Variants in NIPSNAP2 observed in about 807,000 individuals in gnomAD.
The protein encoded by NIPSNAP2 is protein NipSnap homolog 2.
Under a neutral mutation model 48.4 loss-of-function variants are expected in NIPSNAP2, and 42 were observed. The ratio of observed to expected loss-of-function variants is 0.87; its 90% confidence interval spans 0.68 to 1.12. NIPSNAP2 has a LOEUF of 1.12. Ranked by LOEUF, NIPSNAP2 falls within the 50% of genes most tolerant of loss-of-function variation. The pLI is 0.00. For synonymous variants in NIPSNAP2, 158 were observed against 126.6 expected (o/e 1.25, Z -1.67); for missense variants, 314 against 347.3 (o/e 0.90, Z 0.76).
At chr7:55,990,988 G>A (rs575578545) in intron 7 of NIPSNAP2, among the ~76,000 whole-genome samples, 4 of 151,780 alleles carry the variant, frequency 2.6e-5, no homozygotes, top group South Asian at 2.1e-4. Flanking sequence ...ACAGAGTTTC[G>A]CCATGTTGGC....
chr7:55,980,111 AC>A (rs1294676705), intron 3 of NIPSNAP2: 1 of 212,160 alleles, frequency 4.7e-6, no homozygotes, highest in Non-Finnish European at 9.9e-6. Flanking sequence ...TGTTGGACAT[AC>A]ATTTCCCTAG....
At chr7:55,980,230 T>A (rs1787185862) in intron 3 of NIPSNAP2, 7 of 177,556 alleles carry the variant, frequency 3.9e-5, no homozygotes. Context: ...ATTTAAAAAG[T>A]AAATGCTACT....
In NIPSNAP2 at chr7:55,997,462, C is replaced by G; in HGVS notation, c.796+13C>G. ...GTATATTACACAGGTAATCTCTTAACAGCCATGAAATATGCTTTTTGTCTT... is the reference window on the plus strand; with the variant it reads ...GTATATTACACAGGTAATCTCTTAAGAGCCATGAAATATGCTTTTTGTCTT... On this transcript the variant is annotated intron_variant, in intron 9 of 9. Transcript: ENST00000322090. 8.2e-6 allele frequency: 13 copies of G among 1,587,268 alleles called. No homozygotes were observed. Among genetic ancestry groups the G allele is most frequent in the Non-Finnish European group, 1.1e-5 (13 of 1,155,664 alleles).
intron 7 of NIPSNAP2, among the ~76,000 whole-genome samples, chr7:55,986,769 A>C (rs1163067430): frequency 1.3e-5 from 2 of 152,146 alleles, no homozygotes; most frequent in African/African-American, 4.8e-5. Context: ...TCTGATAAGC[A>C]AATTGAATTC....
chr7:55,975,321 C>G (rs1358223180), intron 1 of NIPSNAP2, among the ~76,000 whole-genome samples: 1 of 152,078 alleles, frequency 6.6e-6, no homozygotes, highest in Non-Finnish European at 1.5e-5. Context: ...CCAGTGCACT[C>G]CAGCCTGGGC....
rs374505411 is a variant in NIPSNAP2 at position 55,982,289 on chromosome 7, A to T, written c.444+9A>T. The T allele has an allele frequency of 7.2e-6, 11 of 1,535,138 alleles. No individual in the cohort carries two copies. The highest frequency in any genetic ancestry group is 9.9e-6 in the Non-Finnish European group (11 of 1,110,580). On this transcript the variant is annotated intron_variant, in intron 5 of 9. Transcript: ENST00000322090. ...AACTCAGAGAAAATAAGGTAATGATATTGAAAAATGTTTACTTAGACTAAT... is the reference window on the plus strand; with the variant it reads ...AACTCAGAGAAAATAAGGTAATGATTTTGAAAAATGTTTACTTAGACTAAT...
At chr7:55,983,941 C>A in intron 6 of NIPSNAP2, 73 bp downstream of exon 6, 2 of 1,391,312 alleles carry the variant, frequency 1.4e-6, no homozygotes, top group Non-Finnish European at 2.0e-6. Context: ...AGGCTGACAA[C>A]AGAACTTGTG....
chr7:55,981,478 A>C lies in NIPSNAP2; in HGVS notation c.284A>C (p.Glu95Ala). 1 of 1,612,974 alleles carries C rather than the reference A, an allele frequency of 6.2e-7. No individual in the cohort carries two copies. Among genetic ancestry groups the C allele is most frequent in the Non-Finnish European group, 8.5e-7 (1 of 1,179,234 alleles). ...TGCTGTTTCTTCTCTTTAAGTCAAG[A>C]GGTGTTGCCAAAGATTCACGAAGAT... The part of the protein sequence containing the change: ...CLEAYNKICQ[E>A]VLPKIHEDKH... The change falls in exon 4 of 10, where the codon GAG (glutamate) becomes GCG (alanine). Residue 95 changes from glutamate (E) to alanine (A), a missense_variant. Physicochemically the swap from Glu to Ala is moderately radical, Grantham distance 107 (BLOSUM62 -1). Around this residue, in one of 2 missense-constraint regions of NIPSNAP2, gnomAD observed 198 missense variants for 185.5 expected, o/e 1.07. Coordinates refer to ENST00000322090, the MANE Select transcript of NIPSNAP2 (RefSeq NM_001483.3).
At chr7:55,998,508 T>G (rs1462404315) in intron 9 of NIPSNAP2, among the ~76,000 whole-genome samples, 15 of 135,744 alleles carry the variant, frequency 1.1e-4, no homozygotes, top group Non-Finnish European at 2.1e-4. Context: ...TTTTTTTTTT[T>G]TTTTTTTTTT....
chr7:55,971,195 C>G (rs1048728900), intron 1 of NIPSNAP2, among the ~76,000 whole-genome samples: 2 of 152,142 alleles, frequency 1.3e-5, no homozygotes, highest in African/African-American at 2.4e-5. Flanking sequence ...AGCTGCGACT[C>G]GAATGACTAG....
At chr7:55,980,946 T>G (rs1013609118) in intron 3 of NIPSNAP2, 2 of 152,426 alleles carry the variant, frequency 1.3e-5, no homozygotes, top group African/African-American at 4.8e-5. Flanking sequence ...TCCAGCTGTC[T>G]TCTTGCTCCT....
chr7:55,968,913 G>C (rs4360246), intron 1 of NIPSNAP2, among the ~76,000 whole-genome samples: 16,979 of 151,856 alleles, frequency 0.11, 1,542 homozygotes, highest in East Asian at 0.24. Context: ...AGGGTGTGGT[G>C]GTGCAGGGCT....
intron 6 of NIPSNAP2, among the ~76,000 whole-genome samples, chr7:55,984,251 A>G (rs559202298): frequency 1.3e-5 from 2 of 152,170 alleles, no homozygotes; most frequent in African/African-American, 4.8e-5. Context: ...AACACTTTCT[A>G]GAAATTTTCC....
In NIPSNAP2 at chr7:55,983,738, A is replaced by G. The variant is rs1787268677; in HGVS notation, c.455A>G (p.Glu152Gly). The G allele has an allele frequency of 6.2e-7, 1 of 1,613,164 alleles. No individual in the cohort carries two copies. The highest frequency in any genetic ancestry group is 1.3e-5 in the African/African-American group (1 of 74,964). ...TTTTTTCACTCAAAGGAATTTTTGG[A>G]ATTTCGTAAGGCAAGAAGTGACATG... ...NKLRENKEFL[E>G]FRKARSDMLL... is the part of the protein sequence containing the mutation. Residue 152 changes from glutamate to glycine, a missense_variant, in exon 6 of 10, where the codon GAA (glutamate) becomes GGA (glycine). Glu to Gly is a moderately conservative substitution (Grantham distance 98). Coordinates refer to ENST00000322090, the MANE Select transcript of NIPSNAP2 (RefSeq NM_001483.3).
chr7:55,983,936 G>A, intron 6 of NIPSNAP2, 68 bp downstream of exon 6: 1 of 1,438,154 alleles, frequency 7.0e-7, no homozygotes. Flanking sequence ...TTGTAAGGCT[G>A]ACAACAGAAC....
intron 9 of NIPSNAP2, among the ~76,000 whole-genome samples, 155 bp from the exon 10 acceptor site, chr7:55,998,853 A>G (rs1787622819): frequency 6.6e-6 from 1 of 152,120 alleles, no homozygotes; most frequent in Non-Finnish European, 1.5e-5. Context: ...GTCCGCTTGT[A>G]TATTTCTGCC....
intron 4 of NIPSNAP2, chr7:55,981,852 C>G (rs557957801): frequency 4.6e-5 from 17 of 371,672 alleles, no homozygotes; most frequent in African/African-American, 3.3e-4. Context: ...GTTGCCCAGG[C>G]TGGAGTGCAG....
At chr7:55,992,938 TA>T (rs370510434) in intron 7 of NIPSNAP2, among the ~76,000 whole-genome samples, 100 of 152,318 alleles carry the variant, frequency 6.6e-4, no homozygotes, top group African/African-American at 2.3e-3. Flanking sequence ...GGGCACATTT[TA>T]AAACATTTTT....
intron 7 of NIPSNAP2, chr7:55,991,761 A>ATATATAT (rs1190385564): frequency 2.1e-4 from 32 of 151,022 alleles, no homozygotes; most frequent in East Asian, 8.1e-4. Context: ...AAAAAAAAAA[A>ATATATAT]AAAAATATAT....
Sources: allele counts gnomAD v4.1 joint callset (sites outside exome capture counted in the v4.1 genomes callset), GRCh38; gene constraint gnomAD v4.1.1; regional missense constraint gnomAD v4.1.1; transcripts MANE v1.5; gene names NCBI Gene and HGNC (gene_info 2026-07-23, HGNC 2026-07-21).